The following SCARA3 variants were observed in gnomAD, a reference collection of about 807,000 sequenced individuals.
SCARA3 encodes the protein cellular stress response gene protein.
In SCARA3, 39 loss-of-function variants were observed where a neutral mutation model predicts 47.0. That is an observed-to-expected ratio of 0.83 (90% CI 0.64 to 1.08). The LOEUF (loss-of-function observed/expected upper bound fraction) is 1.08, where lower values mean the gene tolerates loss of function less well. Among genes scored for constraint, SCARA3 ranks in the 50% least tolerant of loss-of-function variants. SCARA3 has a pLI of 0.00. For synonymous variants in SCARA3, 356 were observed against 334.1 expected, an observed-to-expected ratio of 1.07 and a Z score of -0.71; for missense variants, 724 against 792.3, an observed-to-expected ratio of 0.91 and a Z score of 1.04.
chr8:27,729,608 T>G, the SCARA3 span, among the ~76,000 whole-genome samples: 1 of 151,922 alleles, frequency 6.6e-6, no homozygotes, highest in Non-Finnish European at 1.5e-5. Flanking sequence ...CTGGCCAACA[T>G]GGTGAAACCC....
downstream of SCARA3, among the ~76,000 whole-genome samples, chr8:27,679,655 T>A (rs2128925656): frequency 6.6e-6 from 1 of 152,096 alleles, no homozygotes; most frequent in Admixed American, 6.5e-5. Flanking sequence ...AACCAACAAC[T>A]CCAGAACATA....
chr8:27,638,074 A>T (rs989708587), intron 1 of SCARA3, among the ~76,000 whole-genome samples: 3 of 152,120 alleles, frequency 2.0e-5, no homozygotes, highest in Non-Finnish European at 4.4e-5. Flanking sequence ...CCCAGCCAAA[A>T]CAGTCACTTT....
chr8:27,658,728 GC>G lies in SCARA3; in HGVS notation c.559del (p.Leu187SerfsTer6), dbSNP rs1801816103. 3.1e-6 allele frequency: 5 copies of G among 1,614,122 alleles called. No homozygotes were observed. The highest frequency in any genetic ancestry group is 4.2e-6 in the Non-Finnish European group (5 of 1,180,004). ...TCCACCAGGTTAACCAGTCTCTGGG[GC>G]TCTTCCTGGCCCAGGTGAGAGGCTG... ...SIHQVNQSLG[L>X]FLAQVRGWQA... On this transcript the variant is annotated frameshift_variant, in exon 5 of 6. Coordinates refer to ENST00000301904, the MANE Select transcript of SCARA3 (RefSeq NM_016240.3). LOFTEE classifies it high-confidence loss of function.
chr8:27,646,978 C>CA (rs1251839258), intron 1 of SCARA3, among the ~76,000 whole-genome samples: 1 of 110,584 alleles, frequency 9.0e-6, no homozygotes, highest in East Asian at 4.6e-4. Context: ...CCCCGCCCCC[C>CA]CCCCGCACAC....
chr8:27,676,486 A>T, downstream of SCARA3: 1 of 1,537,004 alleles, frequency 6.5e-7, no homozygotes, highest in South Asian at 1.1e-5. Context: ...AAAGTCTCCA[A>T]CATAGGTGTC....
chr8:27,682,343 C>T, the SCARA3 span, among the ~76,000 whole-genome samples: 6 of 152,132 alleles, frequency 3.9e-5, no homozygotes, highest in Middle Eastern at 3.4e-3. Flanking sequence ...AAAATACTAT[C>T]ATGAACTTGG....
chr8:27,662,234 C>A (rs953565010), intron 5 of SCARA3, among the ~76,000 whole-genome samples: 3 of 152,222 alleles, frequency 2.0e-5, no homozygotes, highest in African/African-American at 7.2e-5. Context: ...ACCTGTGAGT[C>A]TGACTTTGGG....
At chr8:27,707,702 A>T in the SCARA3 span, among the ~76,000 whole-genome samples, 1 of 151,962 alleles carries the variant, frequency 6.6e-6, no homozygotes, top group Non-Finnish European at 1.5e-5. Context: ...AGTGCATGTC[A>T]CTGAATTAAA....
At chr8:27,695,536 T>C in the SCARA3 span, among the ~76,000 whole-genome samples, 2 of 152,158 alleles carry the variant, frequency 1.3e-5, no homozygotes, top group Non-Finnish European at 2.9e-5. Context: ...ATGTGACCCA[T>C]TGTCAAGAAA....
chr8:27,708,118 G>T, the SCARA3 span, among the ~76,000 whole-genome samples: 1 of 152,108 alleles, frequency 6.6e-6, no homozygotes, highest in Non-Finnish European at 1.5e-5. Context: ...ATAAAGAAAA[G>T]TCTTAGAGGA....
chr8:27,652,610 TG>T (rs1284292567), intron 3 of SCARA3, among the ~76,000 whole-genome samples: 3 of 152,182 alleles, frequency 2.0e-5, no homozygotes, highest in African/African-American at 4.8e-5. Flanking sequence ...CTTCTTAGCT[TG>T]AAGGCAAGAG....
chr8:27,644,646 G>A (rs934245229), intron 1 of SCARA3, among the ~76,000 whole-genome samples: 1 of 149,444 alleles, frequency 6.7e-6, no homozygotes, highest in East Asian at 2.0e-4. Context: ...GAGAGAGAGA[G>A]AAGAGAGACA....
chr8:27,681,168 T>A (rs1175224686), downstream of SCARA3, among the ~76,000 whole-genome samples: 3 of 152,238 alleles, frequency 2.0e-5, no homozygotes, highest in East Asian at 3.9e-4. Context: ...AAAGTAAAGA[T>A]AACTTATAAA....
At position 27,658,540 on chromosome 8, in the gene SCARA3, C is replaced by T; in HGVS notation, c.370C>T (p.Gln124Ter). The T allele has an allele frequency of 6.2e-7, 1 of 1,613,164 alleles. No individual in the cohort carries two copies. Among genetic ancestry groups the T allele is most frequent in the Non-Finnish European group, 8.5e-7 (1 of 1,179,616 alleles). The change falls in exon 5 of 6, where the codon CAG becomes TAG. Residue 124 changes from glutamine (Q) to a stop codon, truncating the protein, a stop_gained. Transcript: ENST00000301904. LOFTEE classifies it high-confidence loss of function. ...NNCSFCHEAG[Q>*]LGPEIRKLQE... ...CTGCTCTTTCTGCCATGAAGCTGGG[C>T]AGCTGGGGCCAGAGATCCGAAAACT...
chr8:27,709,663 G>C, the SCARA3 span, among the ~76,000 whole-genome samples: 1 of 152,204 alleles, frequency 6.6e-6, no homozygotes, highest in African/African-American at 2.4e-5. Flanking sequence ...GCAGCTGCTG[G>C]CTTCCCAAGA....
At chr8:27,690,219 GAC>G in the SCARA3 span, among the ~76,000 whole-genome samples, 1 of 152,112 alleles carries the variant, frequency 6.6e-6, no homozygotes, top group Non-Finnish European at 1.5e-5. Flanking sequence ...TGGTATCTCT[GAC>G]AGTTTCCTCC....
chr8:27,696,385 A>T, the SCARA3 span, among the ~76,000 whole-genome samples: 1 of 152,112 alleles, frequency 6.6e-6, no homozygotes, highest in South Asian at 2.1e-4. Context: ...ACTGAATCTC[A>T]TCAGAAATAG....
chr8:27,633,623 C>T (rs1801181133), upstream of SCARA3, among the ~76,000 whole-genome samples: 1 of 152,168 alleles, frequency 6.6e-6, no homozygotes, highest in South Asian at 2.1e-4. Context: ...GCGGCCGCAG[C>T]GCGGGCAGGG....
chr8:27,687,344 G>A, the SCARA3 span, among the ~76,000 whole-genome samples: 1 of 152,126 alleles, frequency 6.6e-6, no homozygotes, highest in African/African-American at 2.4e-5. Context: ...CAATATTAGA[G>A]TTTCTGAATA....
Sources: gnomAD v4.1 joint callset for allele counts (sites outside exome capture counted in the v4.1 genomes callset) on GRCh38, gnomAD v4.1.1 for gene constraint, MANE v1.5 for transcripts, NCBI Gene and HGNC (gene_info 2026-07-23, HGNC 2026-07-21) for gene names.